The following HSFX4 variants were observed in gnomAD, a reference collection of about 807,000 sequenced individuals.
HSFX4 encodes the protein heat shock transcription factor family, X-linked member 4.
Under a neutral mutation model 5.2 loss-of-function variants are expected in HSFX4, and 1 was observed. That is an observed-to-expected ratio of 0.19 (90% CI 0.07 to 0.91). HSFX4 has a LOEUF of 0.91. Among genes scored for constraint, HSFX4 ranks in the 40% least tolerant of loss-of-function variants. The pLI is 0.66. For synonymous variants in HSFX4, 24 were observed against 68.9 expected (o/e 0.35, Z 3.23); for missense variants, 50 against 178.0 (o/e 0.28, Z 4.09).
intron 1 of HSFX4, among the ~76,000 whole-genome samples, chrX:149,930,350 C>T (rs1557374110): frequency 9.0e-6 from 1 of 111,692 alleles, no homozygotes; most frequent in African/African-American, 3.3e-5. Flanking sequence ...TCATATTTTG[C>T]AGACCTGCAT....
At chrX:149,930,193 A>C (rs1227678504) in intron 1 of HSFX4, 66 bp downstream of exon 1, 13 of 1,097,101 alleles carry the variant, frequency 1.2e-5, no homozygotes, top group Non-Finnish European at 1.6e-5. Context: ...ATAGGACACC[A>C]ATTTGAATAA....
In HSFX4 at chrX:149,931,187, G is replaced by A. The variant is rs183109398; in HGVS notation, c.*82G>A. 2.2e-6 allele frequency: 2 copies of A among 918,177 alleles called. No homozygotes were observed. Among genetic ancestry groups the A allele is most frequent in the East Asian group, 8.4e-5 (2 of 23,931 alleles). 75.7% of individuals were successfully genotyped at this position (918,177 alleles called of 1,213,427 possible). On this transcript the variant is annotated 3_prime_UTR_variant, in exon 2 of 2. Transcript: ENST00000457775. Reference sequence around the variant, plus strand: ...TTCGTGAACTCACAGGCCACTAATGGCCCATAAAAGTTGCCATTTTCTAAT... The same window carrying A: ...TTCGTGAACTCACAGGCCACTAATGACCCATAAAAGTTGCCATTTTCTAAT...
In HSFX4 at chrX:149,931,273, C is replaced by T. The variant is rs2090869759; in HGVS notation, c.*168C>T. The stretch of plus-strand genomic sequence containing the variant: ...AAATTCCATGGAAATAAATAATAAA[C>T]AATTTAAATGAGAACTGTTGTCTGT... On this transcript the variant is annotated 3_prime_UTR_variant, in exon 2 of 2. Coordinates refer to ENST00000457775, the MANE Select transcript of HSFX4 (RefSeq NM_001351114.2). 2.7e-6 allele frequency: 1 copy of T among 365,108 alleles called. No homozygotes were observed. Among genetic ancestry groups the T allele is most frequent in the African/African-American group, 2.7e-5 (1 of 37,499 alleles). 30.1% of individuals were successfully genotyped at this position (365,108 alleles called of 1,213,427 possible).
rs2090861540 is a variant in HSFX4, at chrX:149,930,569, T to C, written c.484-18T>C. The C allele has an allele frequency of 4.0e-6, 1 of 248,633 alleles. No individual in the cohort carries two copies. The highest frequency in any genetic ancestry group is 5.5e-5 in the East Asian group (1 of 18,066). The allele number at this position is 248,633 out of a possible 1,213,427, so 20.5% of individuals were successfully genotyped here. ...ATAATTTATCCCAGAACAACTAACA[T>C]GTTTCATTTTGTTTCAGATCTACTG... On this transcript the variant is annotated intron_variant, in intron 1 of 1. Coordinates refer to ENST00000457775, the MANE Select transcript of HSFX4 (RefSeq NM_001351114.2).
rs1258717255 is a variant in HSFX4, at chrX:149,931,090, C to T, written c.987C>T (p.Asp329=). ...TCATGTCTCCAAATGAGCCCTCTGACGATGAGGAGGAGTAGGAAGGCTCCT... is the reference window on the plus strand; with the variant it reads ...TCATGTCTCCAAATGAGCCCTCTGATGATGAGGAGGAGTAGGAAGGCTCCT... The part of the protein sequence containing the change: ...LSVMSPNEPS[D]DEEE Residue 329 remains aspartate, a synonymous_variant, in exon 2 of 2, where the codon GAC becomes GAT. Coordinates refer to ENST00000457775, the MANE Select transcript of HSFX4 (RefSeq NM_001351114.2). 2 of 937,994 alleles carry T rather than the reference C, an allele frequency of 2.1e-6. No homozygotes were observed. The highest frequency in any genetic ancestry group is 2.6e-6 in the Non-Finnish European group (2 of 756,006). 77.3% of individuals were successfully genotyped at this position (937,994 alleles called of 1,213,427 possible). A position where few individuals can be genotyped will look rare whatever the true frequency, so the allele number is the denominator to read the frequency against.
rs1364763366 is a variant in HSFX4 at position 149,931,280 on chromosome X, A to T, written c.*175A>T. The T allele has an allele frequency of 2.7e-6, 1 of 366,489 alleles. No homozygotes were observed. Among genetic ancestry groups the T allele is most frequent in the African/African-American group, 2.7e-5 (1 of 37,578 alleles). 30.2% of individuals were successfully genotyped at this position (366,489 alleles called of 1,213,427 possible). On this transcript the variant is annotated 3_prime_UTR_variant, in exon 2 of 2. Coordinates refer to ENST00000457775, the MANE Select transcript of HSFX4 (RefSeq NM_001351114.2). ...ATGGAAATAAATAATAAACAATTTA[A>T]ATGAGAACTGTTGTCTGTGTTTTTT...
At chrX:149,930,342 A>C (rs1557374109) in intron 1 of HSFX4, among the ~76,000 whole-genome samples, 1 of 112,028 alleles carries the variant, frequency 8.9e-6, no homozygotes, top group Non-Finnish European at 1.9e-5. Context: ...TGTAAGCATC[A>C]TATTTTGCAG....
intron 1 of HSFX4, 128 bp downstream of exon 1, chrX:149,930,255 T>C: frequency 9.5e-7 from 1 of 1,055,973 alleles, no homozygotes; most frequent in East Asian, 3.4e-5. Flanking sequence ...TGTGAAATAT[T>C]GTTTATTGAA....
chrX:149,930,485 T>G, intron 1 of HSFX4, 102 bp from the exon 2 acceptor site: 1 of 278,237 alleles, frequency 3.6e-6, no homozygotes, highest in Non-Finnish European at 6.2e-6. Context: ...TTGCTGCCAC[T>G]TAAAGCATTC....
In HSFX4 at chrX:149,931,019, T is replaced by C. The variant is rs1296850776; in HGVS notation, c.916T>C (p.Ser306Pro). The C allele has an allele frequency of 3.4e-5, 32 of 934,817 alleles. No homozygotes were observed. The highest frequency in any genetic ancestry group is 4.0e-5 in the Non-Finnish European group (30 of 755,418). 77.0% of individuals were successfully genotyped at this position (934,817 alleles called of 1,213,427 possible). ...TTACTCAGATAATGGTAGTGTAATGTCTTTGTACAATATCTGTTACTACGC... is the reference window on the plus strand; with the variant it reads ...TTACTCAGATAATGGTAGTGTAATGCCTTTGTACAATATCTGTTACTACGC... ...LVYSDNGSVM[S>P]LYNICYYALL... is the part of the protein sequence containing the mutation. Residue 306 changes from serine to proline, a missense_variant, in exon 2 of 2, where the codon TCT (serine) becomes CCT (proline). Physicochemically the swap from Ser to Pro is moderately conservative, Grantham distance 74. Around this residue, in one of 3 missense-constraint regions of HSFX4, gnomAD observed 19 missense variants for 24.4 expected, o/e 0.78. Coordinates refer to ENST00000457775, the MANE Select transcript of HSFX4 (RefSeq NM_001351114.2).
rs195220 is a variant in HSFX4, at chrX:149,931,170, C to G, written c.*65C>G. The G allele has an allele frequency of 3.8e-4, 358 of 930,395 alleles. 6 individuals are homozygous for G. In the African/African-American group the frequency reaches 4.9e-3, roughly 13 times the overall value. The allele number at this position is 930,395 out of a possible 1,213,427, so 76.7% of individuals were successfully genotyped here. ...TTCAGACACACTGCAAATTCGTGAA[C>G]TCACAGGCCACTAATGGCCCATAAA... On this transcript the variant is annotated 3_prime_UTR_variant, in exon 2 of 2. Transcript: ENST00000457775.
Position 149,930,838 on chromosome X carries a change from C to T in HSFX4, c.735C>T (p.Gly245=). 1 of 773,921 alleles carries T rather than the reference C, an allele frequency of 1.3e-6. No individual in the cohort carries two copies. The highest frequency in any genetic ancestry group is 4.4e-5 in the East Asian group (1 of 22,524). 63.8% of individuals were successfully genotyped at this position (773,921 alleles called of 1,213,427 possible). The change falls in exon 2 of 2, where the codon GGC becomes GGT. Residue 245 remains glycine (G), a synonymous_variant. Coordinates refer to ENST00000457775, the MANE Select transcript of HSFX4 (RefSeq NM_001351114.2). ...PSGTQSFRRS[G]MWSKKSATRH... is the part of the protein sequence containing the mutation. Reference sequence around the variant, plus strand: ...GCACCCAGTCCTTCAGGCGCTCTGGCATGTGGTCCAAGAAGAGTGCCACTA... The same window carrying T: ...GCACCCAGTCCTTCAGGCGCTCTGGTATGTGGTCCAAGAAGAGTGCCACTA...
rs1226202914 is a variant in HSFX4 at position 149,931,253 on chromosome X, C to G, written c.*148C>G. 1 of 447,251 alleles carries G rather than the reference C, an allele frequency of 2.2e-6. No homozygotes were observed. The highest frequency in any genetic ancestry group is 2.6e-5 in the African/African-American group (1 of 38,964). 36.9% of individuals were successfully genotyped at this position (447,251 alleles called of 1,213,427 possible). On this transcript the variant is annotated 3_prime_UTR_variant, in exon 2 of 2. Transcript: ENST00000457775. ...GGTCTTAATAAAGAAAAACAAAATTCCATGGAAATAAATAATAAACAATTT... is the reference window on the plus strand; with the variant it reads ...GGTCTTAATAAAGAAAAACAAAATTGCATGGAAATAAATAATAAACAATTT...
In HSFX4 at chrX:149,929,881, T is replaced by TGGGA; in HGVS notation, c.237_238insGGGA (p.Arg80GlyfsTer26). ...ACGTGGAAGACAACCACAACCTTTT[T>TGGGA]AGGCTCTCCTTCCCAAGAAAGCTTT... On this transcript the variant is annotated frameshift_variant, in exon 1 of 2. Transcript: ENST00000457775. LOFTEE classifies it high-confidence loss of function. 2.1e-6 allele frequency: 2 copies of TGGGA among 959,917 alleles called. No homozygotes were observed. Among genetic ancestry groups the TGGGA allele is most frequent in the Non-Finnish European group, 1.3e-6 (1 of 758,848 alleles). 79.1% of individuals were successfully genotyped at this position (959,917 alleles called of 1,213,427 possible). A position where few individuals can be genotyped will look rare whatever the true frequency, so the allele number is the denominator to read the frequency against.
In HSFX4 at chrX:149,930,294, T is replaced by C. The variant is rs2090858781; in HGVS notation, c.483+167T>C. ...TGAAAAGTATAGAACTTAAAAAGTA[T>C]GGATTTTGATATTAAACTGCAACCC... On this transcript the variant is annotated intron_variant, in intron 1 of 1. Transcript: ENST00000457775. 2.7e-5 allele frequency among the ~76,000 whole-genome samples: 3 copies of C among 112,455 alleles called. No individual in the cohort carries two copies. The South Asian group carries it at 1.1e-3, about 41-fold the overall frequency.
At position 149,929,939 on chromosome X, in the gene HSFX4, G is replaced by A. The variant is rs2090854885; in HGVS notation, c.295G>A (p.Val99Met). 9.6e-7 allele frequency: 1 copy of A among 1,038,009 alleles called. No homozygotes were observed. Among genetic ancestry groups the A allele is most frequent in the Non-Finnish European group, 1.2e-6 (1 of 809,669 alleles). The allele number at this position is 1,038,009 out of a possible 1,213,427, so 85.5% of individuals were successfully genotyped here. A position where few individuals can be genotyped will look rare whatever the true frequency, so the allele number is the denominator to read the frequency against. Residue 99 changes from valine (V) to methionine (M), a missense_variant, in exon 1 of 2, where the codon GTG (valine) becomes ATG (methionine). By Grantham distance (21) the Val-to-Met change is conservative. Around this residue, in one of 3 missense-constraint regions of HSFX4, gnomAD observed 31 missense variants for 111.4 expected, o/e 0.28. Coordinates refer to ENST00000457775, the MANE Select transcript of HSFX4 (RefSeq NM_001351114.2). ...TGTGGAGGAAGACACATTCAAGTCT[G>A]TGAGCTGGAACGATGATGGAGACGC... The part of the protein sequence containing the change: ...TIVEEDTFKS[V>M]SWNDDGDAVI...
rs1161761482 is a variant in HSFX4, at chrX:149,931,285, G to C, written c.*180G>C. Reference sequence around the variant, plus strand: ...AATAAATAATAAACAATTTAAATGAGAACTGTTGTCTGTGTTTTTTTTTAA... The same window carrying C: ...AATAAATAATAAACAATTTAAATGACAACTGTTGTCTGTGTTTTTTTTTAA... On this transcript the variant is annotated 3_prime_UTR_variant, in exon 2 of 2. Transcript: ENST00000457775. The C allele has an allele frequency of 6.2e-5, 23 of 369,434 alleles. No homozygotes were observed. The highest frequency in any genetic ancestry group is 1.9e-4 in the Admixed American group (3 of 16,104). The allele number at this position is 369,434 out of a possible 1,213,427, so 30.4% of individuals were successfully genotyped here. A position where few individuals can be genotyped will look rare whatever the true frequency, so the allele number is the denominator to read the frequency against.
In HSFX4 at chrX:149,931,033, C is replaced by G; in HGVS notation, c.930C>G (p.Ile310Met). 3 of 937,898 alleles carry G rather than the reference C, an allele frequency of 3.2e-6. No homozygotes were observed. Among genetic ancestry groups the G allele is most frequent in the Non-Finnish European group, 4.0e-6 (3 of 756,035 alleles). 77.3% of individuals were successfully genotyped at this position (937,898 alleles called of 1,213,427 possible). ...GTAGTGTAATGTCTTTGTACAATAT[C>G]TGTTACTACGCTCTGTTGGCCTCCC... ...DNGSVMSLYN[I>M]CYYALLASLS... Residue 310 changes from isoleucine (I) to methionine (M), a missense_variant, in exon 2 of 2, where the codon ATC becomes ATG. Around this residue, in one of 3 missense-constraint regions of HSFX4, gnomAD observed 19 missense variants for 24.4 expected, o/e 0.78. Transcript: ENST00000457775.
Position 149,931,019 on chromosome X carries a change from T to A in HSFX4, c.916T>A (p.Ser306Thr), listed in dbSNP as rs1296850776. The change falls in exon 2 of 2, where the codon TCT becomes ACT. Residue 306 changes from serine to threonine, a missense_variant. Ser to Thr is a moderately conservative substitution (Grantham distance 58). Coordinates refer to ENST00000457775, the MANE Select transcript of HSFX4 (RefSeq NM_001351114.2). ...LVYSDNGSVM[S>T]LYNICYYALL... ...TTACTCAGATAATGGTAGTGTAATG[T>A]CTTTGTACAATATCTGTTACTACGC... 2.1e-6 allele frequency: 2 copies of A among 934,817 alleles called. No individual in the cohort carries two copies. 77.0% of individuals were successfully genotyped at this position (934,817 alleles called of 1,213,427 possible). A position where few individuals can be genotyped will look rare whatever the true frequency, so the allele number is the denominator to read the frequency against.
Sources: allele counts gnomAD v4.1 joint callset (sites outside exome capture counted in the v4.1 genomes callset), GRCh38; gene constraint gnomAD v4.1.1; regional missense constraint gnomAD v4.1.1; transcripts MANE v1.5; gene names NCBI Gene and HGNC (gene_info 2026-07-23, HGNC 2026-07-21).